Variants in ESYT2 observed in about 807,000 individuals in gnomAD.
ESYT2 encodes the protein extended synaptotagmin-2.
Under a neutral mutation model 107.2 loss-of-function variants are expected in ESYT2, and 54 were observed. The ratio of observed to expected loss-of-function variants is 0.50; its 90% confidence interval spans 0.40 to 0.63. The LOEUF (loss-of-function observed/expected upper bound fraction) is 0.63. Among genes scored for constraint, ESYT2 ranks in the 30% least tolerant of loss-of-function variants. The pLI, the probability that ESYT2 is intolerant of heterozygous loss-of-function variation, is 0.00. For missense variants in ESYT2, 1,020 were observed against 1,094.5 expected (o/e 0.93, Z 0.96); for synonymous variants, 491 against 434.1 (o/e 1.13, Z -1.63).
chr7:158,821,548 C>T (rs1029239956), intron 1 of ESYT2, among the ~76,000 whole-genome samples: 2 of 152,334 alleles, frequency 1.3e-5, no homozygotes, highest in Non-Finnish European at 1.5e-5. Context: ...CTTAAAAGCA[C>T]GACAGTAATC....
intron 7 of ESYT2, among the ~76,000 whole-genome samples, chr7:158,770,639 C>T (rs1029468665): frequency 3.9e-5 from 6 of 152,096 alleles, no homozygotes; most frequent in Admixed American, 6.5e-5. Flanking sequence ...CTCAGCCTCC[C>T]GAGTAGCTGG....
Position 158,781,477 on chromosome 7 carries a change from TGA to T in ESYT2, c.747+6525_747+6526del, listed in dbSNP as rs202034015. Among the ~76,000 whole-genome samples, 1,002 of 147,900 alleles carry T rather than the reference TGA, an allele frequency of 6.8e-3. 13 individuals carry two copies. The highest frequency in any genetic ancestry group is 0.024 in the African/African-American group (950 of 40,226). On this transcript the variant is annotated intron_variant, in intron 6 of 22. Coordinates refer to ENST00000275418, the MANE Select transcript of ESYT2 (RefSeq NM_001367773.1). ...TTGTGAGAACAAAGTGTGAGAGGTG[TGA>T]GTGTGAAACAAGTGAACGAGTGAAC...
At chr7:158,827,159 T>A in intron 1 of ESYT2, among the ~76,000 whole-genome samples, 1 of 120,826 alleles carries the variant, frequency 8.3e-6, no homozygotes, top group Middle Eastern at 4.2e-3. Context: ...AGAGGCTCTG[T>A]CTCAAAAAAA....
chr7:158,761,684 A>G, intron 10 of ESYT2, 140 bp from the exon 11 acceptor site: 3 of 692,720 alleles, frequency 4.3e-6, no homozygotes, highest in Admixed American at 5.5e-5. Context: ...AAATGCAACA[A>G]AACGCTAATA....
Position 158,763,178 on chromosome 7 carries a change from T to C in ESYT2, c.1102-13A>G, listed in dbSNP as rs1563634942. 1.9e-6 allele frequency: 3 copies of C among 1,605,276 alleles called. No individual in the cohort carries two copies. Among genetic ancestry groups the C allele is most frequent in the Middle Eastern group, 1.7e-4 (1 of 6,026 alleles). On this transcript the variant is annotated splice_polypyrimidine_tract_variant and intron_variant, in intron 9 of 22. Transcript: ENST00000275418. ...CATACACTAAAGCCTAAAACATCAA[T>C]GGTTAGTAGTTAAGTGCATTTTTAC...
At chr7:158,806,969 T>C (rs1035731650) in intron 1 of ESYT2, among the ~76,000 whole-genome samples, 6 of 152,172 alleles carry the variant, frequency 3.9e-5, no homozygotes, top group Non-Finnish European at 8.8e-5. Context: ...TGTATACTAC[T>C]TAAATGAATC....
intron 6 of ESYT2, among the ~76,000 whole-genome samples, chr7:158,781,325 G>A (rs970763264): frequency 1.3e-5 from 2 of 151,852 alleles, no homozygotes; most frequent in African/African-American, 4.8e-5. Context: ...GAGAGTGAAC[G>A]AGTGTTGAGA....
intron 6 of ESYT2, among the ~76,000 whole-genome samples, chr7:158,786,550 C>A (rs1429858706): frequency 6.6e-6 from 1 of 152,118 alleles, no homozygotes; most frequent in Non-Finnish European, 1.5e-5. Flanking sequence ...GTTTCGTGTA[C>A]TTAAAATCGA....
At chr7:158,761,654 T>C in intron 10 of ESYT2, 110 bp from the exon 11 acceptor site, 1 of 974,128 alleles carries the variant, frequency 1.0e-6, no homozygotes, top group Non-Finnish European at 1.6e-6. Context: ...TAAGCATTTG[T>C]CTATGAACAA....
At chr7:158,743,406 C>T (rs781668507) in intron 17 of ESYT2, 123 bp downstream of exon 17, 30 of 1,281,364 alleles carry the variant, frequency 2.3e-5, no homozygotes, top group Admixed American at 5.6e-5. Context: ...CGCCCTCCTG[C>T]GGCCCAGAGC....
At chr7:158,780,104 T>C (rs948811295) in intron 6 of ESYT2, among the ~76,000 whole-genome samples, 2 of 152,236 alleles carry the variant, frequency 1.3e-5, no homozygotes, top group African/African-American at 2.4e-5. Context: ...ATTTGGGAGA[T>C]TTTAGACAAT....
At chr7:158,735,691 G>T in intron 20 of ESYT2, 83 bp from the exon 21 acceptor site, 3 of 1,126,744 alleles carry the variant, frequency 2.7e-6, no homozygotes, top group South Asian at 1.3e-5. Context: ...CTGCTCATGA[G>T]ATCATTCCAA....
In ESYT2 at chr7:158,759,487, G is replaced by T; in HGVS notation, c.1418C>A (p.Pro473Gln). The T allele has an allele frequency of 6.2e-7, 1 of 1,608,584 alleles. No homozygotes were observed. Among genetic ancestry groups the T allele is most frequent in the Non-Finnish European group, 8.5e-7 (1 of 1,175,754 alleles). Residue 473 changes from proline (P) to glutamine (Q), a missense_variant and splice_region_variant, in exon 13 of 23, where the codon CCG becomes CAG. Coordinates refer to ENST00000275418, the MANE Select transcript of ESYT2 (RefSeq NM_001367773.1). ...ILYLDSARNL[P>Q]SNPLEFNPDV... ...AGGTGTTACCACTGTGTTACCTACC[G>T]GAAGGTTCCTTGCTGAATCCAAGTA...
rs565188376 is a variant in ESYT2 at position 158,828,893 on chromosome 7, G to T, written c.330+196C>A. 1.2e-3 allele frequency among the ~76,000 whole-genome samples: 182 copies of T among 151,106 alleles called. 2 individuals carry two copies. The highest frequency in any genetic ancestry group is 2.5e-3 in the Admixed American group (38 of 15,242). ...AACCGGCCCGGGGGCCGGGGCTGGGGTCTGCACTCGCCCAGGCGGAAGGGA... is the reference window on the plus strand; with the variant it reads ...AACCGGCCCGGGGGCCGGGGCTGGGTTCTGCACTCGCCCAGGCGGAAGGGA... On this transcript the variant is annotated intron_variant, in intron 1 of 22. Coordinates refer to ENST00000275418, the MANE Select transcript of ESYT2 (RefSeq NM_001367773.1).
chr7:158,785,050 C>T (rs1839060370), intron 6 of ESYT2, among the ~76,000 whole-genome samples: 2 of 152,224 alleles, frequency 1.3e-5, no homozygotes, highest in African/African-American at 4.8e-5. Flanking sequence ...GAAGGATTCC[C>T]TATGCACAGC....
chr7:158,777,361 T>C (rs1182652916), intron 6 of ESYT2, among the ~76,000 whole-genome samples: 1 of 152,286 alleles, frequency 6.6e-6, no homozygotes, highest in South Asian at 2.1e-4. Flanking sequence ...CCATTTGATA[T>C]GGTTTGGCTC....
Position 158,759,558 on chromosome 7 carries a change from G to A in ESYT2, c.1347C>T (p.Asp449=). ...LDKVLTDIKA[D]KDQANDGLSS... ...AAAGACCATCGTTGGCTTGGTCTTT[G>A]TCAGCTTTGATGTCTGTTAGCACCT... is the stretch of plus-strand genomic sequence containing the variant. The change falls in exon 13 of 23, where the codon GAC becomes GAT. Residue 449 remains aspartate, a synonymous_variant. Transcript: ENST00000275418. 6.2e-7 allele frequency: 1 copy of A among 1,612,272 alleles called. No individual in the cohort carries two copies. The highest frequency in any genetic ancestry group is 8.5e-7 in the Non-Finnish European group (1 of 1,178,508).
chr7:158,794,477 G>T (rs556404527), intron 3 of ESYT2, among the ~76,000 whole-genome samples: 22 of 152,344 alleles, frequency 1.4e-4, no homozygotes, highest in African/African-American at 5.3e-4. Flanking sequence ...CTAGGCAACA[G>T]AGTGAACCCC....
intron 6 of ESYT2, among the ~76,000 whole-genome samples, chr7:158,783,148 C>A (rs1019579857): frequency 1.3e-5 from 2 of 152,188 alleles, no homozygotes; most frequent in Admixed American, 1.3e-4. Context: ...CACCTCTGAG[C>A]TGTTGCGGCT....
Sources: gnomAD v4.1 joint callset for allele counts (sites outside exome capture counted in the v4.1 genomes callset) on GRCh38, gnomAD v4.1.1 for gene constraint, MANE v1.5 for transcripts, NCBI Gene and HGNC (gene_info 2026-07-23, HGNC 2026-07-21) for gene names.